The following CEP44 variants were observed in gnomAD, a reference collection of about 807,000 sequenced individuals.
The protein encoded by CEP44 is centrosomal protein of 44 kDa.
CEP44 carries 45 observed loss-of-function variants against 46.7 expected under a neutral mutation model. That is an observed-to-expected ratio of 0.96 (90% CI 0.76 to 1.24). CEP44 has a LOEUF of 1.24. Among genes scored for constraint, CEP44 ranks in the 50% most tolerant of loss-of-function variants. The pLI, the probability that CEP44 is intolerant of heterozygous loss-of-function variation, is 0.00. For synonymous variants in CEP44, 142 were observed against 146.0 expected (o/e 0.97, Z 0.20); for missense variants, 475 against 459.7 (o/e 1.03, Z -0.30).
At chr4:174,295,099 C>G in intron 1 of CEP44, among the ~76,000 whole-genome samples, 1 of 151,350 alleles carries the variant, frequency 6.6e-6, no homozygotes, top group African/African-American at 2.4e-5. Flanking sequence ...CACCTCCCTC[C>G]CGGACGGGGC....
intron 1 of CEP44, among the ~76,000 whole-genome samples, chr4:174,295,407 G>A (rs1190068863): frequency 2.0e-5 from 3 of 151,284 alleles, no homozygotes; most frequent in African/African-American, 4.9e-5. Context: ...GGGCAGAGAC[G>A]CTCCTTACTT....
Position 174,326,226 on chromosome 4 carries a change from G to GTGTGTGTGTGTC in CEP44, c.1087-5236_1087-5225dup, listed in dbSNP as rs948055342. Among the ~76,000 whole-genome samples, 1 of 151,344 alleles carries GTGTGTGTGTGTC rather than the reference G, an allele frequency of 6.6e-6. No homozygotes were observed. Among genetic ancestry groups the GTGTGTGTGTGTC allele is most frequent in the East Asian group, 1.9e-4 (1 of 5,192 alleles). On this transcript the variant is annotated intron_variant, in intron 8 of 8. Coordinates refer to the CEP44 transcript ENST00000426172. The surrounding 1 kb of genome is among the most constrained non-coding windows in gnomAD (Gnocchi z 4.8). Reference sequence around the variant, plus strand: ...TATGAAGTATCCTGTGTGTGTATGTGTGTGTGTGTGTCTGTGTGTGTGTCT... The same window carrying GTGTGTGTGTGTC: ...TATGAAGTATCCTGTGTGTGTATGTGTGTGTGTGTGTCTGTGTGTGTGTCTGTGTGTGTGTCT...
In CEP44 at chr4:174,331,762, G is replaced by A. The variant is rs192124652; in HGVS notation, c.*167G>A. 1,381 of 809,922 alleles carry A rather than the reference G, an allele frequency of 1.7e-3. 5 individuals are homozygous for A. Among genetic ancestry groups the A allele is most frequent in the South Asian group, 2.7e-3 (88 of 32,122 alleles). 50.2% of individuals were successfully genotyped at this position (809,922 alleles called of 1,614,324 possible). On this transcript the variant is annotated 3_prime_UTR_variant, in exon 9 of 9. Transcript: ENST00000426172. This position sits in a 1 kb window ranked among gnomAD's most constrained non-coding sequence, Gnocchi z 4.5. ...ATGACTTTTTCCTTCCTGCTACATG[G>A]GTAACACTTAGTTGTTTGTCTAATT...
downstream of CEP44, chr4:174,320,393 TAA>T: frequency 1.2e-6 from 1 of 813,262 alleles, no homozygotes; most frequent in Non-Finnish European, 1.5e-6. Context: ...TCAGGAAGCA[TAA>T]AAATTAATAT....
At chr4:174,324,987 T>A, downstream of CEP44, among the ~76,000 whole-genome samples, 1 of 152,196 alleles carries the variant, frequency 6.6e-6, no homozygotes, top group East Asian at 1.9e-4. Context: ...TGCGTTGTGC[T>A]GGGTTTTGTG....
In CEP44 at chr4:174,319,287, G is replaced by A. The variant is rs1179451325; in HGVS notation, c.*1904G>A. On this transcript the variant is annotated 3_prime_UTR_variant, in exon 12 of 12. Transcript: ENST00000503780. ...ATTTATAAAAATTAAGAGGTTAAGA[G>A]GTTATAGTTATAAGGGAAAAAACTT... The A allele has an allele frequency of 1.0e-6, 1 of 973,456 alleles. No homozygotes were observed. The highest frequency in any genetic ancestry group is 1.2e-6 in the Non-Finnish European group (1 of 819,196). The allele number at this position is 973,456 out of a possible 1,614,324, so 60.3% of individuals were successfully genotyped here.
chr4:174,310,972 C>T lies in CEP44; in HGVS notation c.961+114C>T, dbSNP rs1041968058. ...TTTAGAAATTGCAAAGCTCCTAGAA[C>T]AAAGAACATAATGAACCTACAGACT... On this transcript the variant is annotated intron_variant, in intron 9 of 11. Transcript: ENST00000503780. This position sits in a 1 kb window ranked among gnomAD's most constrained non-coding sequence, Gnocchi z 4.2. The T allele has an allele frequency of 3.6e-6, 2 of 550,406 alleles. No individual in the cohort carries two copies. The highest frequency in any genetic ancestry group is 3.9e-5 in the African/African-American group (2 of 51,348). The allele number at this position is 550,406 out of a possible 1,614,324, so 34.1% of individuals were successfully genotyped here. A position where few individuals can be genotyped will look rare whatever the true frequency, so the allele number is the denominator to read the frequency against.
At chr4:174,328,590 A>C (rs1219584142) in intron 8 of CEP44, among the ~76,000 whole-genome samples, 1 of 152,224 alleles carries the variant, frequency 6.6e-6, no homozygotes, top group Non-Finnish European at 1.5e-5. Context: ...TGGACTTTTC[A>C]GTTCCATGAA....
intron 1 of CEP44, among the ~76,000 whole-genome samples, chr4:174,295,109 CG>C (rs1217985472): frequency 5.3e-5 from 8 of 151,100 alleles, no homozygotes; most frequent in Admixed American, 3.9e-4. Flanking sequence ...CCGGACGGGG[CG>C]GCTGGCCTGG....
At chr4:174,316,914 G>A (rs1256906902) in intron 11 of CEP44, among the ~76,000 whole-genome samples, 1 of 152,042 alleles carries the variant, frequency 6.6e-6, no homozygotes, top group Non-Finnish European at 1.5e-5. Flanking sequence ...TAGATGGATG[G>A]TTTGGAGACA....
chr4:174,313,968 A>T (rs1039488003), intron 9 of CEP44, among the ~76,000 whole-genome samples: 2 of 152,214 alleles, frequency 1.3e-5, no homozygotes, highest in Non-Finnish European at 2.9e-5. Context: ...AATCAGTTGG[A>T]TACATACATT....
chr4:174,315,718 G>C (rs1419106736), intron 9 of CEP44, among the ~76,000 whole-genome samples: 1 of 151,842 alleles, frequency 6.6e-6, no homozygotes, highest in Non-Finnish European at 1.5e-5. Context: ...GCTGGCGCCT[G>C]TAGTCCCAGC....
At chr4:174,291,787 CTT>C (rs56201469) in intron 1 of CEP44, among the ~76,000 whole-genome samples, 117 of 46,386 alleles carry the variant, frequency 2.5e-3, no homozygotes, top group East Asian at 5.3e-3. Context: ...TTTTTCTTTT[CTT>C]TTTTTTTTTT....
chr4:174,296,869 C>G (rs1432156748), intron 1 of CEP44, among the ~76,000 whole-genome samples: 1 of 142,046 alleles, frequency 7.0e-6, no homozygotes, highest in African/African-American at 2.6e-5. Context: ...GTGGTTCTGT[C>G]AGTTTTTGTT....
chr4:174,296,763 ATTTTT>A (rs202212472), intron 1 of CEP44, among the ~76,000 whole-genome samples: 7 of 90,420 alleles, frequency 7.7e-5, no homozygotes, highest in Non-Finnish European at 1.4e-4. Flanking sequence ...GTCCTTACTG[ATTTTT>A]TTTTTTTTTT....
chr4:174,296,763 ATT>A (rs202212472), intron 1 of CEP44, among the ~76,000 whole-genome samples: 5 of 90,402 alleles, frequency 5.5e-5, no homozygotes, highest in Admixed American at 1.4e-4. Context: ...GTCCTTACTG[ATT>A]TTTTTTTTTT....
intron 9 of CEP44, among the ~76,000 whole-genome samples, chr4:174,315,707 A>G (rs1480210397): frequency 5.9e-5 from 9 of 151,984 alleles, no homozygotes; most frequent in African/African-American, 1.4e-4. Flanking sequence ...CGGGCGTGGT[A>G]GCTGGCGCCT....
At position 174,302,122 on chromosome 4, in the gene CEP44, T is replaced by C. The variant is rs907651312; in HGVS notation, c.173T>C (p.Ile58Thr). The change falls in exon 4 of 12, where the codon ATA (isoleucine) becomes ACA (threonine). Residue 58 changes from isoleucine to threonine, a missense_variant. Physicochemically the swap from Ile to Thr is moderately conservative, Grantham distance 89 (BLOSUM62 -1). Coordinates refer to ENST00000503780, the MANE Select transcript of CEP44 (RefSeq NM_001040157.3). ...TSYSPYVTEL[I>T]MESNVELIAK... ...TACTCACCTTATGTAACAGAACTTA[T>C]AATGGAATCCAATGTAGAGCTCATA... is the stretch of plus-strand genomic sequence containing the variant. 6.2e-7 allele frequency: 1 copy of C among 1,612,020 alleles called. No individual in the cohort carries two copies. Among genetic ancestry groups the C allele is most frequent in the Non-Finnish European group, 8.5e-7 (1 of 1,179,038 alleles).
Position 174,329,583 on chromosome 4 carries a change from T to C in CEP44, c.1087-1899T>C, listed in dbSNP as rs576313146. Among the ~76,000 whole-genome samples, 3 of 152,338 alleles carry C rather than the reference T, an allele frequency of 2.0e-5. No homozygotes were observed. Among genetic ancestry groups the C allele is most frequent in the African/African-American group, 7.2e-5 (3 of 41,592 alleles). Reference sequence around the variant, plus strand: ...GGATAATGTTCTCACACTTTATAGCTTGAAGAATGTACTTTACTCATGGGA... The same window carrying C: ...GGATAATGTTCTCACACTTTATAGCCTGAAGAATGTACTTTACTCATGGGA... On this transcript the variant is annotated intron_variant, in intron 8 of 8. Coordinates refer to the CEP44 transcript ENST00000426172. This position sits in a 1 kb window ranked among gnomAD's most constrained non-coding sequence, Gnocchi z 4.0.
Sources: allele counts gnomAD v4.1 joint callset (sites outside exome capture counted in the v4.1 genomes callset), GRCh38; gene constraint gnomAD v4.1.1; non-coding constraint Gnocchi (gnomAD v3.1); transcripts MANE v1.5; gene names NCBI Gene and HGNC (gene_info 2026-07-23, HGNC 2026-07-21).